The following KIF13B variants were observed in gnomAD, a reference collection of about 807,000 sequenced individuals.
KIF13B encodes the protein kinesin family member 13B.
In KIF13B, 127 loss-of-function variants were observed where a neutral mutation model predicts 222.0. The observed-to-expected ratio is 0.57, with a 90% CI of 0.50 to 0.66. The LOEUF is 0.66. KIF13B is among the 30% of genes least tolerant of loss of function. The probability of loss-of-function intolerance (pLI) is 0.00; values close to 1 mark genes in which losing one functional copy is unlikely to be tolerated. For missense variants in KIF13B, 2,173 were observed against 2,379.0 expected (o/e 0.91, Z 1.80); for synonymous variants, 976 against 919.0 (o/e 1.06, Z -1.12).
chr8:29,102,374 G>A (rs1808833008), intron 35 of KIF13B, among the ~76,000 whole-genome samples: 1 of 152,240 alleles, frequency 6.6e-6, no homozygotes, highest in Non-Finnish European at 1.5e-5. Context: ...ACAGAGGGAA[G>A]CTGGCTTTGT....
At position 29,119,529 on chromosome 8, in the gene KIF13B, T is replaced by C. The variant is rs1039217484; in HGVS notation, c.3536-537A>G. Among the ~76,000 whole-genome samples, 19 of 152,266 alleles carry C rather than the reference T, an allele frequency of 1.2e-4. No individual in the cohort carries two copies. The East Asian group carries it at 1.4e-3, about 11-fold the overall frequency. On this transcript the variant is annotated intron_variant, in intron 29 of 39. Coordinates refer to ENST00000524189, the MANE Select transcript of KIF13B (RefSeq NM_015254.4). ...AAGTTCCTTTTCTAGGAGGTGGGCA[T>C]GGGGGGACCGAGAACATGTACCATG...
intron 10 of KIF13B, among the ~76,000 whole-genome samples, chr8:29,175,591 C>G (rs1812441802): frequency 6.6e-6 from 1 of 152,168 alleles, no homozygotes; most frequent in African/African-American, 2.4e-5. Flanking sequence ...TTTAAGAAGC[C>G]AAAAGCAAAT....
intron 3 of KIF13B, among the ~76,000 whole-genome samples, chr8:29,193,365 G>A (rs1215443158): frequency 6.6e-6 from 1 of 150,470 alleles, no homozygotes; most frequent in African/African-American, 2.4e-5. Context: ...CCAAAGGACT[G>A]GGCATCAAAC....
At chr8:29,198,737 A>T (rs1813551637) in intron 2 of KIF13B, among the ~76,000 whole-genome samples, 1 of 151,954 alleles carries the variant, frequency 6.6e-6, no homozygotes, top group South Asian at 2.1e-4. Flanking sequence ...ATGCATATGT[A>T]TGTTTATTGT....
At chr8:29,161,079 T>C (rs982415717) in intron 12 of KIF13B, among the ~76,000 whole-genome samples, 1 of 152,248 alleles carries the variant, frequency 6.6e-6, no homozygotes, top group Admixed American at 6.5e-5. Flanking sequence ...ATAAAGTCTA[T>C]TACATATAGT....
chr8:29,161,481 G>A (rs1811771389), intron 12 of KIF13B, among the ~76,000 whole-genome samples: 1 of 152,164 alleles, frequency 6.6e-6, no homozygotes, highest in East Asian at 1.9e-4. Context: ...AAGGCAGGCA[G>A]ATCACTTGAG....
intron 37 of KIF13B, among the ~76,000 whole-genome samples, chr8:29,086,166 C>A (rs531901224): frequency 6.6e-6 from 1 of 152,112 alleles, no homozygotes; most frequent in African/African-American, 2.4e-5. Context: ...AAATCCAGAA[C>A]CAAGTACAGT....
intron 36 of KIF13B, among the ~76,000 whole-genome samples, chr8:29,093,972 T>C (rs1226926901): frequency 6.6e-6 from 1 of 152,156 alleles, no homozygotes; most frequent in Non-Finnish European, 1.5e-5. Context: ...AATATACAAT[T>C]ATTTCAAAGA....
intron 31 of KIF13B, among the ~76,000 whole-genome samples, chr8:29,115,065 T>G (rs1321655609): frequency 6.6e-6 from 1 of 152,224 alleles, no homozygotes; most frequent in African/African-American, 2.4e-5. Flanking sequence ...GCTGCAATTT[T>G]AATGGCATTA....
rs11307766 is a variant in KIF13B at position 29,089,885 on chromosome 8, C to CA, written c.4458+2859dup. Among the ~76,000 whole-genome samples, 286 of 118,112 alleles carry CA rather than the reference C, an allele frequency of 2.4e-3. 3 individuals are homozygous for CA. Among genetic ancestry groups the CA allele is most frequent in the East Asian group, 0.014 (55 of 3,940 alleles). The allele number at this position is 118,112 out of a possible 152,430, so 77.5% of individuals were successfully genotyped here. ...TGGGCAACAGAGCAAGACTCTGTCT[C>CA]AAAAAAAAAAAAAAAAAAGAAAGAA... On this transcript the variant is annotated intron_variant, in intron 37 of 39. Transcript: ENST00000524189.
At chr8:29,090,465 G>C (rs890869192) in intron 37 of KIF13B, among the ~76,000 whole-genome samples, 4 of 152,208 alleles carry the variant, frequency 2.6e-5, no homozygotes, top group African/African-American at 9.6e-5. Flanking sequence ...CGAGGGAAGG[G>C]AAGTCAGGCG....
intron 1 of KIF13B, among the ~76,000 whole-genome samples, chr8:29,258,979 C>A (rs1203976582): frequency 6.6e-6 from 1 of 152,120 alleles, no homozygotes; most frequent in East Asian, 1.9e-4. Context: ...GAAGTAAAAT[C>A]CCCCTAACAA....
At chr8:29,170,215 T>C (rs1431110168) in intron 10 of KIF13B, among the ~76,000 whole-genome samples, 1 of 152,196 alleles carries the variant, frequency 6.6e-6, no homozygotes, top group African/African-American at 2.4e-5. Flanking sequence ...TAAATAGTCA[T>C]AGGAAAGAAT....
intron 22 of KIF13B, among the ~76,000 whole-genome samples, chr8:29,133,241 C>T (rs1810422689): frequency 6.6e-6 from 1 of 152,152 alleles, no homozygotes; most frequent in Non-Finnish European, 1.5e-5. Context: ...GGCAAAATGA[C>T]CTCTCTGATT....
At chr8:29,075,690 G>A (rs1302981534) in intron 37 of KIF13B, among the ~76,000 whole-genome samples, 1 of 152,242 alleles carries the variant, frequency 6.6e-6, no homozygotes, top group African/African-American at 2.4e-5. Context: ...CTTCCGGCAG[G>A]AGGTGAAAGC....
chr8:29,222,884 A>G (rs1814822478), intron 2 of KIF13B, among the ~76,000 whole-genome samples: 1 of 152,138 alleles, frequency 6.6e-6, no homozygotes, highest in Admixed American at 6.5e-5. Flanking sequence ...ATTATGTGAC[A>G]TGATGTGTTT....
At chr8:29,085,440 T>C (rs1439020188) in intron 37 of KIF13B, among the ~76,000 whole-genome samples, 1 of 152,238 alleles carries the variant, frequency 6.6e-6, no homozygotes, top group African/African-American at 2.4e-5. Flanking sequence ...ACCCATTCTA[T>C]TCCTCAGTCC....
At chr8:29,216,605 G>T (rs1814490784) in intron 2 of KIF13B, among the ~76,000 whole-genome samples, 1 of 146,984 alleles carries the variant, frequency 6.8e-6, no homozygotes, top group African/African-American at 2.5e-5. Flanking sequence ...TCTCAAAAAA[G>T]ATTTTTTTAA....
chr8:29,122,019 C>T (rs1051910856), intron 29 of KIF13B, among the ~76,000 whole-genome samples: 2 of 152,094 alleles, frequency 1.3e-5, no homozygotes, highest in African/African-American at 4.8e-5. Flanking sequence ...CTTTGGGAGG[C>T]CAAGGAGGGC....
Sources: gnomAD v4.1 joint callset for allele counts (sites outside exome capture counted in the v4.1 genomes callset) on GRCh38, gnomAD v4.1.1 for gene constraint, MANE v1.5 for transcripts, NCBI Gene and HGNC (gene_info 2026-07-23, HGNC 2026-07-21) for gene names.